The following ASAH1 variants were observed in gnomAD, a reference collection of about 807,000 sequenced individuals.
The protein encoded by ASAH1 is acid ceramidase.
A neutral mutation model predicts 59.5 loss-of-function variants in ASAH1; 70 were observed. That is an observed-to-expected ratio of 1.18 (90% CI 0.97 to 1.43). ASAH1 has a LOEUF of 1.43. ASAH1 is among the 40% of genes most tolerant of loss of function. ASAH1 has a pLI of 0.00. For synonymous variants in ASAH1, 213 were observed against 166.5 expected (o/e 1.28, Z -2.15); for missense variants, 660 against 482.5 (o/e 1.37, Z -3.45).
intron 2 of ASAH1, among the ~76,000 whole-genome samples, chr8:18,071,730 A>G (rs888302492): frequency 1.1e-4 from 16 of 152,122 alleles, no homozygotes; most frequent in African/African-American, 3.6e-4. Flanking sequence ...AAATATCTGC[A>G]AAGATTTAGT....
intron 10 of ASAH1, 107 bp from the exon 11 acceptor site, chr8:18,059,810 C>A: frequency 8.4e-7 from 1 of 1,186,714 alleles, no homozygotes; most frequent in Non-Finnish European, 1.2e-6. Context: ...ATGTGCTGAA[C>A]GTGCAGGTTT....
At chr8:18,078,782 A>C (rs575507659) in intron 1 of ASAH1, among the ~76,000 whole-genome samples, 2 of 152,268 alleles carry the variant, frequency 1.3e-5, no homozygotes, top group South Asian at 4.2e-4. Context: ...ATAAGAAGAG[A>C]GATTATGTGG....
rs377147866 is a variant in ASAH1 at position 18,063,242 on chromosome 8, T to C, written c.458-12A>G. 4.5e-5 allele frequency: 72 copies of C among 1,610,964 alleles called. No homozygotes were observed. In the African/African-American group the frequency reaches 6.3e-4, roughly 14 times the overall value. Reference sequence around the variant, plus strand: ...ATGTATTAGATGACCTATTTGAAGGTAGACAGAAGAGACGTGTAATAGCAG... The same window carrying C: ...ATGTATTAGATGACCTATTTGAAGGCAGACAGAAGAGACGTGTAATAGCAG... On this transcript the variant is annotated splice_polypyrimidine_tract_variant and intron_variant, in intron 6 of 13. Coordinates refer to ENST00000637790, the MANE Select transcript of ASAH1 (RefSeq NM_177924.5).
chr8:18,057,685 T>C, intron 13 of ASAH1, 62 bp from the exon 14 acceptor site: 2 of 1,156,880 alleles, frequency 1.7e-6, no homozygotes, highest in East Asian at 3.1e-5. Flanking sequence ...CTGATATATA[T>C]TAGCATTTCT....
intron 2 of ASAH1, 87 bp from the exon 3 acceptor site, chr8:18,071,477 C>G (rs1800175834): frequency 2.1e-6 from 2 of 938,520 alleles, no homozygotes; most frequent in Non-Finnish European, 3.3e-6. Flanking sequence ...ATATGAGAGG[C>G]AAAGTCTTAA....
chr8:18,062,337 G>A lies in ASAH1; in HGVS notation c.590C>T (p.Thr197Ile). 1.2e-6 allele frequency: 2 copies of A among 1,614,192 alleles called. No homozygotes were observed. The highest frequency in any genetic ancestry group is 1.7e-6 in the Non-Finnish European group (2 of 1,180,024). Reference protein sequence around the residue: ...VNLDFQRNNKTVFKASSFAGY... With the variant: ...VNLDFQRNNKIVFKASSFAGY... ...AGCAAAGCTTGAAGCCTTGAAGACA[G>A]TTTTGTTGTTTCTTTGGAAATCCAA... The change falls in exon 8 of 14, where the codon ACT becomes ATT. Residue 197 changes from threonine (T) to isoleucine (I), a missense_variant. Coordinates refer to ENST00000637790, the MANE Select transcript of ASAH1 (RefSeq NM_177924.5).
chr8:18,075,245 G>A (rs1031423905), intron 2 of ASAH1, among the ~76,000 whole-genome samples: 2 of 152,026 alleles, frequency 1.3e-5, no homozygotes, highest in African/African-American at 2.4e-5. Context: ...TACCCGCCTC[G>A]GCCTCCCAAA....
intron 12 of ASAH1, 118 bp downstream of exon 12, chr8:18,059,223 A>G (rs1799587132): frequency 2.0e-6 from 3 of 1,494,272 alleles, no homozygotes; most frequent in African/African-American, 2.8e-5. Context: ...GAGAGTGGCT[A>G]GAGATACTAT....
intron 3 of ASAH1, among the ~76,000 whole-genome samples, chr8:18,070,689 A>C (rs989874140): frequency 1.3e-5 from 2 of 152,232 alleles, no homozygotes; most frequent in African/African-American, 2.4e-5. Context: ...AAAGAAACAA[A>C]GGTAAAGTTT....
chr8:18,062,396 G>A lies in ASAH1; in HGVS notation c.531C>T (p.Val177=). The A allele has an allele frequency of 6.2e-7, 1 of 1,614,052 alleles. No homozygotes were observed. The highest frequency in any genetic ancestry group is 8.5e-7 in the Non-Finnish European group (1 of 1,179,984). The part of the protein sequence containing the change: ...LGWNINNDTW[V]ITEQLKPLTV... The stretch of plus-strand genomic sequence containing the variant: ...TTAAAGGTTTTAGTTGCTCAGTTAT[G>A]ACCCAGGTATCATTATTTATGTTCC... The change falls in exon 8 of 14, where the codon GTC becomes GTT. Residue 177 remains valine, a synonymous_variant. Transcript: ENST00000637790.
At chr8:18,083,443 A>T (rs1800746332) in intron 1 of ASAH1, 1 of 156,778 alleles carries the variant, frequency 6.4e-6, no homozygotes, top group African/African-American at 2.4e-5. Flanking sequence ...GGGACAGGCG[A>T]TCCCATGACT....
intron 1 of ASAH1, 197 bp downstream of exon 1, chr8:18,083,784 G>T (rs1800763062): frequency 9.1e-7 from 1 of 1,093,828 alleles, no homozygotes. Context: ...CTAGTTGCAG[G>T]TAGCACCGAA....
rs1177077707 is a variant in ASAH1 at position 18,058,605 on chromosome 8, T to G, written c.1098+230A>C. The G allele has an allele frequency of 4.4e-5, 24 of 550,028 alleles. No homozygotes were observed. The South Asian group carries it at 5.3e-4, about 12-fold the overall frequency. The allele number at this position is 550,028 out of a possible 1,614,324, so 34.1% of individuals were successfully genotyped here. A position where few individuals can be genotyped will look rare whatever the true frequency, so the allele number is the denominator to read the frequency against. On this transcript the variant is annotated intron_variant, in intron 13 of 13. Coordinates refer to ENST00000637790, the MANE Select transcript of ASAH1 (RefSeq NM_177924.5). ...AATGCTAGCCTTAATTCAAATGCTA[T>G]GTAAATAAAGCTATAAACAATATTC...
chr8:18,058,928 A>AAT lies in ASAH1; in HGVS notation c.1042-39_1042-38dup, dbSNP rs750855024. 6.0e-5 allele frequency: 94 copies of AAT among 1,571,066 alleles called. No homozygotes were observed. In the Middle Eastern group the frequency reaches 6.7e-4, roughly 11 times the overall value. ...GAAAATAGTTTTGTTCAGTAAGTTAAATACAGAAGCCAACAGCCTTATCTA... is the reference window on the plus strand; with the variant it reads ...GAAAATAGTTTTGTTCAGTAAGTTAAATATACAGAAGCCAACAGCCTTATCTA... On this transcript the variant is annotated intron_variant, in intron 12 of 13. Transcript: ENST00000637790.
At chr8:18,065,083 A>AT (rs1356292878) in intron 5 of ASAH1, 1 of 152,176 alleles carries the variant, frequency 6.6e-6, no homozygotes. Context: ...TTTCTGTCCC[A>AT]TTTAACATTA....
intron 7 of ASAH1, 197 bp downstream of exon 7, chr8:18,062,988 G>C: frequency 1.8e-6 from 1 of 559,086 alleles, no homozygotes; most frequent in East Asian, 3.3e-5. Flanking sequence ...CTCTGCCTCA[G>C]GCTCCCAAGT....
At chr8:18,084,799 C>T, upstream of ASAH1, 1 of 1,613,248 alleles carries the variant, frequency 6.2e-7, no homozygotes. Flanking sequence ...TGCAGCAGTT[C>T]ATTAAGCGGC....
At chr8:18,084,934 G>T, upstream of ASAH1, 7 of 1,320,006 alleles carry the variant, frequency 5.3e-6, no homozygotes, top group Non-Finnish European at 7.3e-6. Flanking sequence ...GGACACAGTC[G>T]CGCGGGTAGG....
In ASAH1 at chr8:18,073,180, T is replaced by G. The variant is rs1406730529; in HGVS notation, c.126-1790A>C. On this transcript the variant is annotated intron_variant, in intron 2 of 13. Transcript: ENST00000637790. The stretch of plus-strand genomic sequence containing the variant: ...CCATAATTGCACATTTTACCTCTCG[T>G]TAAACAGTTTTCTAAAACATTTCAG... 7 of 1,364,172 alleles carry G rather than the reference T, an allele frequency of 5.1e-6. No individual in the cohort carries two copies. In the African/African-American group the frequency reaches 9.8e-5, roughly 19 times the overall value. The allele number at this position is 1,364,172 out of a possible 1,614,324, so 84.5% of individuals were successfully genotyped here. A position where few individuals can be genotyped will look rare whatever the true frequency, so the allele number is the denominator to read the frequency against.
Sources: gnomAD v4.1 joint callset for allele counts (sites outside exome capture counted in the v4.1 genomes callset) on GRCh38, gnomAD v4.1.1 for gene constraint, MANE v1.5 for transcripts, NCBI Gene and HGNC (gene_info 2026-07-23, HGNC 2026-07-21) for gene names.